The following GPC3 variants were observed in gnomAD, a reference collection of about 807,000 sequenced individuals.
The protein encoded by GPC3 is glypican-3.
In GPC3, 3 loss-of-function variants were observed where a neutral mutation model predicts 34.4. The ratio of observed to expected loss-of-function variants is 0.09; its 90% CI spans 0.04 to 0.23. The LOEUF is 0.23. GPC3 is among the 10% of genes least tolerant of loss of function. The probability of loss-of-function intolerance (pLI) is 1.00; values close to 1 mark genes in which losing one functional copy is unlikely to be tolerated. For missense variants in GPC3, 351 were observed against 445.6 expected (o/e 0.79, Z 1.91); for synonymous variants, 177 against 174.0 (o/e 1.02, Z -0.13).
intron 2 of GPC3, among the ~76,000 whole-genome samples, chrX:133,948,426 C>T (rs912408688): frequency 9.1e-6 from 1 of 110,495 alleles, no homozygotes; most frequent in African/African-American, 3.3e-5. Flanking sequence ...AGCACAGAAA[C>T]GCTGCCCTCC....
At chrX:133,581,620 A>G (rs1049902279) in intron 7 of GPC3, among the ~76,000 whole-genome samples, 17 of 112,663 alleles carry the variant, frequency 1.5e-4, no homozygotes, top group African/African-American at 5.5e-4. Context: ...TAGTTCTCAC[A>G]GAATGCTTTC....
At chrX:133,689,649 A>C (rs1457183553) in intron 5 of GPC3, among the ~76,000 whole-genome samples, 1 of 112,717 alleles carries the variant, frequency 8.9e-6, no homozygotes, top group South Asian at 3.6e-4. Flanking sequence ...AAACAATCAC[A>C]ATGAAGAAAC....
intron 3 of GPC3, among the ~76,000 whole-genome samples, chrX:133,751,777 T>C (rs1476049591): frequency 8.9e-6 from 1 of 112,702 alleles, no homozygotes; most frequent in Non-Finnish European, 1.9e-5. Flanking sequence ...TCCTCTGACT[T>C]AACTAGCTTT....
At chrX:133,567,952 C>T (rs1298729609) in intron 7 of GPC3, among the ~76,000 whole-genome samples, 2 of 111,890 alleles carry the variant, frequency 1.8e-5, no homozygotes, top group South Asian at 3.7e-4. Flanking sequence ...ATATTTTGGC[C>T]AAGGATAAAC....
chrX:133,671,100 T>C (rs934738788), intron 5 of GPC3: 2 of 744,284 alleles, frequency 2.7e-6, no homozygotes, highest in Admixed American at 2.2e-5. Flanking sequence ...TTAGAGTGCC[T>C]AAGACAGGAA....
intron 2 of GPC3, among the ~76,000 whole-genome samples, chrX:133,775,996 G>A (rs1185093888): frequency 9.0e-6 from 1 of 111,512 alleles, no homozygotes; most frequent in Non-Finnish European, 1.9e-5. Flanking sequence ...GAAAAACTGT[G>A]GTGTGCATAG....
chrX:133,924,309 T>A (rs1253320147), intron 2 of GPC3, among the ~76,000 whole-genome samples: 2 of 111,060 alleles, frequency 1.8e-5, no homozygotes, highest in Admixed American at 1.9e-4. Flanking sequence ...ATCAAACTCC[T>A]CCATAATGGA....
rs17000484 is a variant in GPC3, at chrX:133,745,695, C to T, written c.1032+7787G>A. Among the ~76,000 whole-genome samples, 1,041 of 112,530 alleles carry T rather than the reference C, an allele frequency of 9.3e-3. 11 individuals carry two copies. Among genetic ancestry groups the T allele is most frequent in the African/African-American group, 0.031 (955 of 31,028 alleles). On this transcript the variant is annotated intron_variant, in intron 3 of 7. Coordinates refer to ENST00000370818, the MANE Select transcript of GPC3 (RefSeq NM_004484.4). ...TTTTGGCCAATCAGTCAGGGTTGAG[C>T]TAACTGTCTTTTACTAACTTCTAAT... is the stretch of plus-strand genomic sequence containing the variant.
chrX:133,722,470 AATT>A (rs1487618608), intron 3 of GPC3, among the ~76,000 whole-genome samples: 1 of 112,210 alleles, frequency 8.9e-6, no homozygotes, highest in African/African-American at 3.2e-5. Context: ...ACTGTCATTC[AATT>A]ATTAAAGGCT....
At chrX:133,692,109 T>G (rs1417361791) in intron 5 of GPC3, among the ~76,000 whole-genome samples, 10 of 112,218 alleles carry the variant, frequency 8.9e-5, no homozygotes, top group Non-Finnish European at 3.8e-5. Flanking sequence ...CCATCATGCC[T>G]GGCTAACTTT....
At chrX:133,568,920 A>C (rs2069602815) in intron 7 of GPC3, among the ~76,000 whole-genome samples, 1 of 112,035 alleles carries the variant, frequency 8.9e-6, no homozygotes, top group Non-Finnish European at 1.9e-5. Context: ...TAATCCTAGC[A>C]CTTTGAGAGG....
chrX:133,740,505 G>T (rs918420658), intron 3 of GPC3, among the ~76,000 whole-genome samples: 17 of 112,311 alleles, frequency 1.5e-4, no homozygotes, highest in African/African-American at 4.9e-4. Flanking sequence ...ACTGCTCAAA[G>T]ATTATTTAAA....
chrX:133,689,349 T>C (rs1165369119), intron 5 of GPC3, among the ~76,000 whole-genome samples: 1 of 111,939 alleles, frequency 8.9e-6, no homozygotes, highest in African/African-American at 3.2e-5. Flanking sequence ...CATAGTTCTT[T>C]TAATGATATA....
intron 6 of GPC3, among the ~76,000 whole-genome samples, chrX:133,614,782 T>G (rs2070144084): frequency 1.8e-5 from 2 of 111,370 alleles, no homozygotes; most frequent in Admixed American, 9.5e-5. Flanking sequence ...TTGAAAAGAT[T>G]AAAAATATTG....
At chrX:133,755,719 TTTTGTTTG>T (rs200214750) in intron 2 of GPC3, among the ~76,000 whole-genome samples, 19 of 111,862 alleles carry the variant, frequency 1.7e-4, no homozygotes, top group East Asian at 2.8e-4. Context: ...CACTTGGTTT[TTTTGTTTG>T]TTTGTTTGTT....
intron 6 of GPC3, among the ~76,000 whole-genome samples, chrX:133,636,623 C>T (rs942661150): frequency 1.1e-4 from 12 of 112,056 alleles, no homozygotes; most frequent in Non-Finnish European, 7.5e-5. Flanking sequence ...GCCAAGATCA[C>T]GCCACTGCAC....
intron 2 of GPC3, among the ~76,000 whole-genome samples, chrX:133,842,461 C>G (rs2075830187): frequency 9.3e-6 from 1 of 107,724 alleles, no homozygotes; most frequent in Non-Finnish European, 1.9e-5. Flanking sequence ...CCCGTTAGTT[C>G]TGTCCCTCTA....
intron 5 of GPC3, among the ~76,000 whole-genome samples, chrX:133,670,070 T>C (rs1345381830): frequency 8.9e-6 from 1 of 111,901 alleles, no homozygotes; most frequent in African/African-American, 3.2e-5. Context: ...CTTGGGACAG[T>C]TGAAGCAAAG....
chrX:133,886,932 A>G (rs752573158), intron 2 of GPC3, among the ~76,000 whole-genome samples: 1 of 112,999 alleles, frequency 8.8e-6, no homozygotes, highest in South Asian at 3.6e-4. Context: ...TCTCTTCAAC[A>G]TACTAATATC....
Sources: gnomAD v4.1 joint callset for allele counts (sites outside exome capture counted in the v4.1 genomes callset) on GRCh38, gnomAD v4.1.1 for gene constraint, MANE v1.5 for transcripts, NCBI Gene and HGNC (gene_info 2026-07-23, HGNC 2026-07-21) for gene names.